Variants in AGMO observed in about 807,000 individuals in gnomAD.
AGMO encodes the protein glyceryl-ether monooxygenase.
Under a neutral mutation model 60.2 loss-of-function variants are expected in AGMO, and 75 were observed. The observed-to-expected ratio is 1.25, with a 90% CI of 1.03 to 1.51. The LOEUF is 1.51. Among genes scored for constraint, AGMO ranks in the 40% most tolerant of loss-of-function variants. The pLI is 0.00. For missense variants in AGMO, 763 were observed against 525.5 expected, an observed-to-expected ratio of 1.45 and a Z score of -4.42; for synonymous variants, 261 against 177.1, an observed-to-expected ratio of 1.47 and a Z score of -3.76.
intron 10 of AGMO, among the ~76,000 whole-genome samples, chr7:15,372,298 A>G (rs1367460133): frequency 6.6e-6 from 1 of 152,026 alleles, no homozygotes; most frequent in Non-Finnish European, 1.5e-5. Flanking sequence ...TAAAAATACA[A>G]AAATTAGCCA....
At chr7:15,123,251 A>G in the AGMO span, among the ~76,000 whole-genome samples, 383 of 152,198 alleles carry the variant, frequency 2.5e-3, 2 homozygotes, top group African/African-American at 8.8e-3. Flanking sequence ...TGAAAAGTCT[A>G]TTCTTATTTA....
chr7:15,481,652 T>C (rs549568812), intron 3 of AGMO, among the ~76,000 whole-genome samples: 36 of 152,102 alleles, frequency 2.4e-4, no homozygotes, highest in Non-Finnish European at 4.1e-4. Context: ...TCTCAAAAAC[T>C]GATAAAAGAA....
At chr7:15,199,443 T>C (rs12699692), downstream of AGMO, among the ~76,000 whole-genome samples, 12,447 of 152,278 alleles carry the variant, frequency 0.082, 734 homozygotes, top group Non-Finnish European at 0.11. Flanking sequence ...AGGCTAATCC[T>C]ATAAATTCAC....
chr7:15,350,453 G>A (rs1354133726), intron 12 of AGMO, among the ~76,000 whole-genome samples: 2 of 152,262 alleles, frequency 1.3e-5, no homozygotes, highest in East Asian at 3.9e-4. Flanking sequence ...AGTTATTAGA[G>A]GTAGATAAGA....
At chr7:15,314,856 C>T (rs760690255) in intron 12 of AGMO, among the ~76,000 whole-genome samples, 76 of 151,886 alleles carry the variant, frequency 5.0e-4, no homozygotes, top group Non-Finnish European at 8.5e-4. Flanking sequence ...CTTTCTCTTG[C>T]TAGAGGCAGA....
At chr7:15,117,850 T>A in the AGMO span, among the ~76,000 whole-genome samples, 1 of 151,986 alleles carries the variant, frequency 6.6e-6, no homozygotes, top group African/African-American at 2.4e-5. Flanking sequence ...TAGTATATTA[T>A]GGTTTATTGA....
At chr7:15,294,343 C>T (rs972182936) in intron 12 of AGMO, among the ~76,000 whole-genome samples, 19 of 151,640 alleles carry the variant, frequency 1.3e-4, no homozygotes, top group Admixed American at 9.8e-4. Context: ...TCTGGAGGTC[C>T]TTAAAAGTAC....
At chr7:15,317,854 T>C (rs1455193515) in intron 12 of AGMO, among the ~76,000 whole-genome samples, 9 of 148,732 alleles carry the variant, frequency 6.1e-5, no homozygotes, top group East Asian at 3.9e-4. Flanking sequence ...TATATATATA[T>C]ACACACACAC....
intron 12 of AGMO, among the ~76,000 whole-genome samples, chr7:15,312,191 T>A (rs1780786495): frequency 6.6e-6 from 1 of 151,958 alleles, no homozygotes; most frequent in Non-Finnish European, 1.5e-5. Flanking sequence ...GAGAACTGGG[T>A]AGAGGCAATA....
At chr7:15,126,625 T>C in the AGMO span, among the ~76,000 whole-genome samples, 1 of 152,064 alleles carries the variant, frequency 6.6e-6, no homozygotes, top group Non-Finnish European at 1.5e-5. Flanking sequence ...TCAGAAAGGT[T>C]TTATTTAACC....
intron 12 of AGMO, among the ~76,000 whole-genome samples, chr7:15,344,789 G>A (rs1048441658): frequency 6.6e-6 from 1 of 152,176 alleles, no homozygotes; most frequent in Admixed American, 6.5e-5. Context: ...AGATGCACTT[G>A]AGTAGTGTGA....
intron 12 of AGMO, among the ~76,000 whole-genome samples, chr7:15,333,437 A>AT (rs943990328): frequency 6.6e-6 from 1 of 151,972 alleles, no homozygotes; most frequent in Non-Finnish European, 1.5e-5. Context: ...CTTGATGATT[A>AT]TTTTTTACCA....
At chr7:15,273,140 C>G (rs1418824221) in intron 12 of AGMO, among the ~76,000 whole-genome samples, 1 of 152,188 alleles carries the variant, frequency 6.6e-6, no homozygotes, top group Non-Finnish European at 1.5e-5. Flanking sequence ...AATTAGATCC[C>G]ATTTGTCAAT....
chr7:15,535,200 C>T (rs970547677), intron 3 of AGMO, among the ~76,000 whole-genome samples: 2 of 151,766 alleles, frequency 1.3e-5, no homozygotes, highest in South Asian at 2.1e-4. Context: ...GCCTGTCTCT[C>T]GGGGATGGAT....
chr7:15,388,605 A>G (rs1307497778), intron 8 of AGMO, among the ~76,000 whole-genome samples: 1 of 152,166 alleles, frequency 6.6e-6, no homozygotes, highest in African/African-American at 2.4e-5. Flanking sequence ...TTATTTCCCA[A>G]TGCTCTGAAA....
chr7:15,373,277 CAA>C (rs780500529), intron 10 of AGMO, among the ~76,000 whole-genome samples: 2 of 138,054 alleles, frequency 1.4e-5, no homozygotes, highest in Non-Finnish European at 3.2e-5. Context: ...TATTCTGTCT[CAA>C]AAAAAAAAAA....
At chr7:15,520,973 C>A (rs565111068) in intron 3 of AGMO, among the ~76,000 whole-genome samples, 14 of 151,868 alleles carry the variant, frequency 9.2e-5, no homozygotes, top group Non-Finnish European at 1.9e-4. Context: ...AGAAAAGTGA[C>A]AAGAATCAAA....
chr7:15,405,771 T>G (rs969105272), intron 5 of AGMO, among the ~76,000 whole-genome samples: 11 of 151,842 alleles, frequency 7.2e-5, no homozygotes, highest in Non-Finnish European at 1.0e-4. Flanking sequence ...GTTTAGCAAA[T>G]AGTCATATTC....
chr7:15,204,567 T>G (rs1388303454), intron 12 of AGMO, among the ~76,000 whole-genome samples: 1 of 152,216 alleles, frequency 6.6e-6, no homozygotes, highest in East Asian at 1.9e-4. Context: ...CCCATGATTT[T>G]AACAGCTGGA....
Sources: allele counts gnomAD v4.1 joint callset (sites outside exome capture counted in the v4.1 genomes callset), GRCh38; gene constraint gnomAD v4.1.1; transcripts MANE v1.5; gene names NCBI Gene and HGNC (gene_info 2026-07-23, HGNC 2026-07-21).